Variants in ROBO1 observed in about 807,000 individuals in gnomAD.
ROBO1 encodes the protein roundabout guidance receptor 1.
A neutral mutation model predicts 195.9 loss-of-function variants in ROBO1; 149 were observed. That is an observed-to-expected ratio of 0.76 (90% CI 0.67 to 0.87). The LOEUF is 0.87. Ranked by LOEUF, ROBO1 falls within the 40% of genes least tolerant of loss-of-function variation. The pLI is 0.00. For missense variants in ROBO1, 1,933 were observed against 2,068.3 expected (o/e 0.93, Z 1.27); for synonymous variants, 816 against 733.2 (o/e 1.11, Z -1.82).
At chr3:79,378,306 C>T (rs1278560350) in intron 2 of ROBO1, among the ~76,000 whole-genome samples, 6 of 151,968 alleles carry the variant, frequency 3.9e-5, no homozygotes, top group Admixed American at 6.5e-5. Flanking sequence ...TCTTTTCCCT[C>T]GGTGCCAGCC....
intron 1 of ROBO1, among the ~76,000 whole-genome samples, chr3:79,722,411 A>C (rs951074182): frequency 2.0e-5 from 3 of 152,294 alleles, no homozygotes; most frequent in South Asian, 2.1e-4. Flanking sequence ...CCTTGTACCC[A>C]AAAAAAGTTT....
At chr3:79,430,140 A>G (rs1336598567) in intron 2 of ROBO1, among the ~76,000 whole-genome samples, 2 of 152,088 alleles carry the variant, frequency 1.3e-5, no homozygotes, top group East Asian at 3.9e-4. Context: ...TAAAAATTAA[A>G]GACTTTAACT....
intron 4 of ROBO1, among the ~76,000 whole-genome samples, chr3:78,904,116 T>C (rs1210682747): frequency 6.6e-6 from 1 of 151,644 alleles, no homozygotes; most frequent in Admixed American, 6.6e-5. Context: ...TTAGTGTATG[T>C]ATATATACAA....
At chr3:79,285,346 C>A (rs1341405140) in intron 2 of ROBO1, among the ~76,000 whole-genome samples, 1 of 152,168 alleles carries the variant, frequency 6.6e-6, no homozygotes, top group Non-Finnish European at 1.5e-5. Flanking sequence ...TTGCTTGCAC[C>A]TGTATATAAT....
At chr3:78,857,210 A>G (rs1576299202) in intron 4 of ROBO1, among the ~76,000 whole-genome samples, 2 of 152,220 alleles carry the variant, frequency 1.3e-5, no homozygotes, top group East Asian at 3.8e-4. Flanking sequence ...TGAATGTGGT[A>G]AAGTACTGAA....
At chr3:79,621,089 C>T (rs1475924111) in intron 1 of ROBO1, among the ~76,000 whole-genome samples, 4 of 152,150 alleles carry the variant, frequency 2.6e-5, no homozygotes, top group Non-Finnish European at 5.9e-5. Flanking sequence ...CCTGTACACC[C>T]TTCATCCCAG....
chr3:79,066,153 G>T (rs1284704544), intron 3 of ROBO1, among the ~76,000 whole-genome samples: 2 of 151,870 alleles, frequency 1.3e-5, no homozygotes, highest in Non-Finnish European at 2.9e-5. Flanking sequence ...AGCCCTAAAA[G>T]ACGTTAAGTT....
intron 3 of ROBO1, among the ~76,000 whole-genome samples, chr3:79,113,373 C>T (rs1471013593): frequency 6.6e-6 from 1 of 151,838 alleles, no homozygotes; most frequent in African/African-American, 2.4e-5. Context: ...GTCTTCCTGG[C>T]CCATTGAGTG....
intron 3 of ROBO1, among the ~76,000 whole-genome samples, chr3:79,057,854 G>C (rs2078841660): frequency 6.6e-6 from 1 of 151,906 alleles, no homozygotes; most frequent in Admixed American, 6.6e-5. Context: ...TGGATTCCTG[G>C]AGCTACAGAT....
intron 10 of ROBO1, among the ~76,000 whole-genome samples, chr3:78,685,535 C>T (rs2081032338): frequency 6.6e-6 from 1 of 152,090 alleles, no homozygotes; most frequent in African/African-American, 2.4e-5. Context: ...AATTGCTATG[C>T]TTTTATGAAT....
At chr3:78,794,645 T>C (rs1472604775) in intron 4 of ROBO1, among the ~76,000 whole-genome samples, 2 of 152,136 alleles carry the variant, frequency 1.3e-5, no homozygotes, top group Admixed American at 6.5e-5. Context: ...TGGTGTGATC[T>C]CAGCTCACTG....
At chr3:78,604,285 G>A (rs772026417) in intron 29 of ROBO1, among the ~76,000 whole-genome samples, 73 of 152,010 alleles carry the variant, frequency 4.8e-4, no homozygotes, top group Non-Finnish European at 8.4e-4. Flanking sequence ...TGGCCAGGCT[G>A]GTCTCAAACT....
At chr3:79,612,910 G>C (rs7431813) in intron 1 of ROBO1, among the ~76,000 whole-genome samples, 1 of 128,508 alleles carries the variant, frequency 7.8e-6, no homozygotes, top group Non-Finnish European at 1.7e-5. Context: ...GTTTTGCAAT[G>C]ATTGAAGTGA....
intron 2 of ROBO1, among the ~76,000 whole-genome samples, chr3:79,450,748 T>G (rs1388087413): frequency 1.3e-5 from 2 of 151,868 alleles, no homozygotes; most frequent in Admixed American, 1.3e-4. Context: ...TTTAAATAAT[T>G]TCTTATATTA....
chr3:79,263,812 A>G (rs1391640308), intron 2 of ROBO1, among the ~76,000 whole-genome samples: 2 of 152,064 alleles, frequency 1.3e-5, no homozygotes, highest in Non-Finnish European at 2.9e-5. Context: ...AAAACATTAC[A>G]AATAGTTTAC....
At chr3:78,763,560 G>A (rs1279563074) in intron 4 of ROBO1, among the ~76,000 whole-genome samples, 1 of 152,020 alleles carries the variant, frequency 6.6e-6, no homozygotes, top group African/African-American at 2.4e-5. Flanking sequence ...ATGCCTATAA[G>A]CAGACTTTAC....
chr3:79,196,719 T>C (rs1190438624), intron 2 of ROBO1, among the ~76,000 whole-genome samples: 6 of 151,776 alleles, frequency 4.0e-5, no homozygotes, highest in Admixed American at 2.6e-4. Context: ...TGTCTCTCCG[T>C]GGTTTTAAAT....
chr3:78,675,344 C>T (rs11914618), intron 10 of ROBO1, among the ~76,000 whole-genome samples: 38,692 of 150,944 alleles, frequency 0.26, 5,125 homozygotes, highest in African/African-American at 0.32. Flanking sequence ...ACACAGTTCG[C>T]GAGCCGAAGC....
rs745337672 is a variant in ROBO1, at chr3:78,717,262, C to A, written c.917+13G>T. ...TGAGTTGACAAATCATATCATGAAACTCTGATGTGTACCTGGATTTGGGCA... is the reference window on the plus strand; with the variant it reads ...TGAGTTGACAAATCATATCATGAAAATCTGATGTGTACCTGGATTTGGGCA... On this transcript the variant is annotated intron_variant, in intron 7 of 30. Coordinates refer to ENST00000464233, the MANE Select transcript of ROBO1 (RefSeq NM_002941.4). The A allele has an allele frequency of 6.5e-7, 1 of 1,543,762 alleles. No homozygotes were observed. Among genetic ancestry groups the A allele is most frequent in the Non-Finnish European group, 8.7e-7 (1 of 1,150,466 alleles).
Sources: allele counts gnomAD v4.1 joint callset (sites outside exome capture counted in the v4.1 genomes callset), GRCh38; gene constraint gnomAD v4.1.1; transcripts MANE v1.5; gene names NCBI Gene and HGNC (gene_info 2026-07-23, HGNC 2026-07-21).